The following TASOR2 variants were observed in gnomAD, a reference collection of about 807,000 sequenced individuals.
The protein encoded by TASOR2 is transcription activation suppressor family member 2.
In TASOR2, 84 loss-of-function variants were observed where a neutral mutation model predicts 199.5. The observed-to-expected ratio is 0.42, with a 90% CI of 0.35 to 0.50. The LOEUF (loss-of-function observed/expected upper bound fraction) is 0.50, where lower values mean the gene tolerates loss of function less well. Ranked by LOEUF, TASOR2 falls within the 20% of genes least tolerant of loss-of-function variation. TASOR2 has a pLI of 0.02. For synonymous variants in TASOR2, 1,103 were observed against 1,046.6 expected, an observed-to-expected ratio of 1.05 and a Z score of -1.04; for missense variants, 2,796 against 2,835.9, an observed-to-expected ratio of 0.99 and a Z score of 0.32.
Position 5,742,946 on chromosome 10 carries a change from A to G in TASOR2, c.2757+420A>G, listed in dbSNP as rs1836644979. On this transcript the variant is annotated intron_variant, in intron 14 of 20. Coordinates refer to ENST00000328090, the Ensembl canonical transcript of TASOR2. The surrounding 1 kb of genome is among the most constrained non-coding windows in gnomAD (Gnocchi z 4.2). The stretch of plus-strand genomic sequence containing the variant: ...AAGTAAACTAAAATTAATTGTATTA[A>G]AATTATTTTTGAAGACAGATGCTGG... Among the ~76,000 whole-genome samples, 3 of 152,236 alleles carry G rather than the reference A, an allele frequency of 2.0e-5. No homozygotes were observed. Among genetic ancestry groups the G allele is most frequent in the Admixed American group, 2.0e-4 (3 of 15,288 alleles).
chr10:5,712,530 C>G (rs918900300), intron 1 of TASOR2: 2 of 1,231,434 alleles, frequency 1.6e-6, no homozygotes, highest in African/African-American at 3.1e-5. Context: ...ATGACATTTT[C>G]TTAAATGAGG....
At chr10:5,707,726 T>TCACACA (rs5782856) in intron 1 of TASOR2, among the ~76,000 whole-genome samples, 62 of 129,188 alleles carry the variant, frequency 4.8e-4, no homozygotes, top group African/African-American at 1.8e-3. Context: ...TCACTCATTT[T>TCACACA]CACACACACA....
At position 5,737,011 on chromosome 10, in the gene TASOR2, G is replaced by A. The variant is rs1300341306; in HGVS notation, c.1447+1465G>A. ...AATCTCACTCTGTCACCAGGCTGGAGTGCAGTAGCACGATCTCGGCTCACT... is the reference window on the plus strand; with the variant it reads ...AATCTCACTCTGTCACCAGGCTGGAATGCAGTAGCACGATCTCGGCTCACT... On this transcript the variant is annotated intron_variant, in intron 12 of 20. Transcript: ENST00000328090. This position sits in a 1 kb window ranked among gnomAD's most constrained non-coding sequence, Gnocchi z 4.9. 6.6e-6 allele frequency among the ~76,000 whole-genome samples: 1 copy of A among 152,178 alleles called. No individual in the cohort carries two copies. The highest frequency in any genetic ancestry group is 1.5e-5 in the Non-Finnish European group (1 of 68,046).
chr10:5,703,503 A>T (rs867301780), intron 1 of TASOR2, among the ~76,000 whole-genome samples: 64 of 110,204 alleles, frequency 5.8e-4, no homozygotes, highest in Middle Eastern at 7.4e-3. Context: ...GGTTTTTCTG[A>T]TTTTTTTTTT....
chr10:5,686,001 G>GGGTGAGCCTGGC (rs1835769103), intron 1 of TASOR2, among the ~76,000 whole-genome samples: 1 of 152,162 alleles, frequency 6.6e-6, no homozygotes, highest in South Asian at 2.1e-4. Flanking sequence ...ATAAAACTAG[G>GGGTGAGCCTGGC]GGTGAGCCTG....
Sources: allele counts gnomAD v4.1 joint callset (sites outside exome capture counted in the v4.1 genomes callset), GRCh38; gene constraint gnomAD v4.1.1; non-coding constraint Gnocchi (gnomAD v3.1); transcripts MANE v1.5; gene names NCBI Gene and HGNC (gene_info 2026-07-23, HGNC 2026-07-21).